The following NKAIN2 variants were observed in gnomAD, a reference collection of about 807,000 sequenced individuals.
NKAIN2 encodes sodium/potassium transporting ATPase interacting 2.
In NKAIN2, 14 loss-of-function variants were observed where a neutral mutation model predicts 32.6. The observed-to-expected ratio is 0.43, with a 90% CI of 0.28 to 0.67. The LOEUF is 0.67. Ranked by LOEUF, NKAIN2 falls within the 30% of genes least tolerant of loss-of-function variation. The probability of loss-of-function intolerance (pLI) is 0.17; values close to 1 mark genes in which losing one functional copy is unlikely to be tolerated. For synonymous variants in NKAIN2, 80 were observed against 87.2 expected, an observed-to-expected ratio of 0.92 and a Z score of 0.46; for missense variants, 198 against 258.3, an observed-to-expected ratio of 0.77 and a Z score of 1.60.
intron 4 of NKAIN2, among the ~76,000 whole-genome samples, chr6:124,659,883 T>A (rs1360162133): frequency 6.6e-6 from 1 of 152,122 alleles, no homozygotes; most frequent in Non-Finnish European, 1.5e-5. Flanking sequence ...AACATTTGAA[T>A]TATGTTCTTT....
At chr6:124,272,692 G>A (rs915992905) in intron 1 of NKAIN2, among the ~76,000 whole-genome samples, 1 of 152,134 alleles carries the variant, frequency 6.6e-6, no homozygotes, top group Non-Finnish European at 1.5e-5. Flanking sequence ...ACCATCAACA[G>A]CTTGCACCAT....
intron 1 of NKAIN2, among the ~76,000 whole-genome samples, chr6:123,902,777 T>TA (rs1774668152): frequency 2.0e-5 from 3 of 152,350 alleles, no homozygotes; most frequent in African/African-American, 7.2e-5. Context: ...AGATAAATTA[T>TA]AAAAATACGT....
chr6:124,807,104 C>T (rs1288707233), intron 5 of NKAIN2, among the ~76,000 whole-genome samples: 1 of 151,382 alleles, frequency 6.6e-6, no homozygotes, highest in African/African-American at 2.4e-5. Context: ...AACAAGGATA[C>T]CCAGGAATTG....
In NKAIN2 at chr6:124,438,762, G is replaced by T. The variant is rs147489511; in HGVS notation, c.273+83415G>T. ...ATTTTTTCAGTCTGTCTTACTTGCT[G>T]TATCAGCATCATTCAACACCAATTC... On this transcript the variant is annotated intron_variant, in intron 3 of 6. Transcript: ENST00000368417. Among the ~76,000 whole-genome samples, 298 of 152,238 alleles carry T rather than the reference G, an allele frequency of 2.0e-3. 1 individual carries two copies. The highest frequency in any genetic ancestry group is 6.8e-3 in the African/African-American group (284 of 41,572).
intron 5 of NKAIN2, chr6:124,804,604 C>G (rs546929887): frequency 6.4e-6 from 1 of 156,838 alleles, no homozygotes; most frequent in East Asian, 1.9e-4. Flanking sequence ...ATCTGAGGTA[C>G]CAGGTTCATC....
intron 1 of NKAIN2, among the ~76,000 whole-genome samples, chr6:124,044,559 A>G (rs1459930424): frequency 1.3e-5 from 2 of 152,066 alleles, no homozygotes; most frequent in African/African-American, 2.4e-5. Flanking sequence ...TGAGGACTAT[A>G]GCCATTCATC....
At chr6:124,685,937 G>A (rs918299538) in intron 4 of NKAIN2, among the ~76,000 whole-genome samples, 1 of 152,178 alleles carries the variant, frequency 6.6e-6, no homozygotes, top group African/African-American at 2.4e-5. Context: ...TGAATTATCT[G>A]CTTCAGTGTT....
intron 2 of NKAIN2, among the ~76,000 whole-genome samples, chr6:124,344,149 C>A (rs1179439092): frequency 2.0e-5 from 3 of 151,988 alleles, no homozygotes; most frequent in Non-Finnish European, 2.9e-5. Context: ...TGTAGATATG[C>A]AGCATTATTT....
At chr6:123,858,839 A>G (rs59254880) in intron 1 of NKAIN2, among the ~76,000 whole-genome samples, 9,130 of 152,256 alleles carry the variant, frequency 0.06, 827 homozygotes, top group African/African-American at 0.2. Flanking sequence ...AATTGAGACC[A>G]GTCCTGGGTA....
intron 1 of NKAIN2, among the ~76,000 whole-genome samples, chr6:124,266,685 A>G (rs1197005849): frequency 6.6e-6 from 1 of 152,218 alleles, no homozygotes; most frequent in Non-Finnish European, 1.5e-5. Flanking sequence ...AGGTATTAAG[A>G]CATTCATACA....
chr6:124,341,989 T>C (rs1798132862), intron 2 of NKAIN2, among the ~76,000 whole-genome samples: 1 of 152,256 alleles, frequency 6.6e-6, no homozygotes, highest in African/African-American at 2.4e-5. Flanking sequence ...CATTAAATGC[T>C]ACTGCTATTG....
At chr6:123,980,745 T>TA (rs1411423630) in intron 1 of NKAIN2, among the ~76,000 whole-genome samples, 6 of 152,322 alleles carry the variant, frequency 3.9e-5, no homozygotes, top group African/African-American at 1.2e-4. Context: ...ACTTAGTAGA[T>TA]ACTTGTTTTC....
intron 2 of NKAIN2, among the ~76,000 whole-genome samples, chr6:124,332,252 G>A (rs559443896): frequency 6.6e-6 from 1 of 151,556 alleles, no homozygotes; most frequent in Non-Finnish European, 1.5e-5. Flanking sequence ...CACACAGAGA[G>A]AGAGAGAGAG....
intron 2 of NKAIN2, among the ~76,000 whole-genome samples, chr6:124,300,898 A>T (rs540301393): frequency 6.6e-6 from 1 of 152,234 alleles, no homozygotes; most frequent in Non-Finnish European, 1.5e-5. Context: ...AAAAATTTGC[A>T]GCCTGATATT....
intron 4 of NKAIN2, among the ~76,000 whole-genome samples, chr6:124,756,140 A>G (rs1338020147): frequency 6.6e-6 from 1 of 152,144 alleles, no homozygotes; most frequent in Non-Finnish European, 1.5e-5. Flanking sequence ...ATTTTTACAT[A>G]AATAAATAAA....
chr6:124,182,909 T>C (rs1789519739), intron 1 of NKAIN2, among the ~76,000 whole-genome samples: 1 of 152,292 alleles, frequency 6.6e-6, no homozygotes, highest in Admixed American at 6.5e-5. Flanking sequence ...TTTCAAACTA[T>C]AGTTATTAGT....
At chr6:124,181,485 C>A (rs1020128448) in intron 1 of NKAIN2, among the ~76,000 whole-genome samples, 1 of 152,112 alleles carries the variant, frequency 6.6e-6, no homozygotes, top group African/African-American at 2.4e-5. Flanking sequence ...ATTTTCTGAA[C>A]TTTTATGCTC....
chr6:124,440,587 G>A lies in NKAIN2; in HGVS notation c.273+85240G>A, dbSNP rs989064083. On this transcript the variant is annotated intron_variant, in intron 3 of 6. Coordinates refer to ENST00000368417, the MANE Select transcript of NKAIN2 (RefSeq NM_001040214.3). ...ATTGGGCAAGTGAGTACCAAGAAAT[G>A]TCCAAGTGGATCACCTAGTTTCCAA... Among the ~76,000 whole-genome samples, 6 of 152,118 alleles carry A rather than the reference G, an allele frequency of 3.9e-5. No individual in the cohort carries two copies. The South Asian group carries it at 1.2e-3, about 32-fold the overall frequency.
At chr6:123,868,280 G>C (rs1225897622) in intron 1 of NKAIN2, among the ~76,000 whole-genome samples, 5 of 152,172 alleles carry the variant, frequency 3.3e-5, no homozygotes, top group Non-Finnish European at 7.3e-5. Context: ...GCTCAGGTGA[G>C]AGTAAGACTG....
Sources: gnomAD v4.1 joint callset for allele counts (sites outside exome capture counted in the v4.1 genomes callset) on GRCh38, gnomAD v4.1.1 for gene constraint, MANE v1.5 for transcripts, NCBI Gene and HGNC (gene_info 2026-07-23, HGNC 2026-07-21) for gene names.